ZCCHC7: variants seen among roughly 807,000 people sequenced by gnomAD.
The protein encoded by ZCCHC7 is zinc finger CCHC-type containing 7, also known as zinc finger CCHC domain-containing protein 7.
ZCCHC7 carries 35 observed loss-of-function variants against 52.0 expected under a neutral mutation model. The ratio of observed to expected loss-of-function variants is 0.67; its 90% CI spans 0.51 to 0.89. The LOEUF (loss-of-function observed/expected upper bound fraction) is 0.89. ZCCHC7 is among the 40% of genes least tolerant of loss of function. The pLI, the probability that ZCCHC7 is intolerant of heterozygous loss-of-function variation, is 0.00. For synonymous variants in ZCCHC7, 217 were observed against 221.5 expected, an observed-to-expected ratio of 0.98 and a Z score of 0.18; for missense variants, 574 against 649.1, an observed-to-expected ratio of 0.88 and a Z score of 1.26.
intron 3 of ZCCHC7, 81 bp downstream of exon 3, chr9:37,302,312 A>G (rs766602659): frequency 8.2e-7 from 1 of 1,213,866 alleles, no homozygotes; most frequent in Non-Finnish European, 1.2e-6. Flanking sequence ...TGGAACATTA[A>G]TAAGTTTAAG....
At chr9:37,169,377 T>C (rs1467039866) in intron 2 of ZCCHC7, among the ~76,000 whole-genome samples, 1 of 152,232 alleles carries the variant, frequency 6.6e-6, no homozygotes, top group Non-Finnish European at 1.5e-5. Context: ...GGGACCATAC[T>C]TTTCACTTGG....
chr9:37,299,380 A>G (rs1828930808), intron 2 of ZCCHC7, among the ~76,000 whole-genome samples: 1 of 152,200 alleles, frequency 6.6e-6, no homozygotes, highest in African/African-American at 2.4e-5. Flanking sequence ...TCAGTACTAG[A>G]AGGTGCCACC....
intron 6 of ZCCHC7, among the ~76,000 whole-genome samples, chr9:37,331,090 CTTTTA>C (rs1172201158): frequency 1.3e-5 from 2 of 151,594 alleles, no homozygotes; most frequent in Non-Finnish European, 3.0e-5. Context: ...ACCCTACTGC[CTTTTA>C]TTTTAACTGA....
chr9:37,321,746 A>G (rs1249947267), intron 5 of ZCCHC7, among the ~76,000 whole-genome samples: 4 of 152,210 alleles, frequency 2.6e-5, no homozygotes, highest in East Asian at 1.9e-4. Context: ...AGCCTGGGCA[A>G]CAGAGTAAGA....
intron 2 of ZCCHC7, among the ~76,000 whole-genome samples, chr9:37,296,336 T>C (rs1030697562): frequency 6.6e-6 from 1 of 152,246 alleles, no homozygotes; most frequent in Non-Finnish European, 1.5e-5. Context: ...ATAAGTTTTA[T>C]GCTATTACTT....
At chr9:37,292,394 A>T (rs1828582669) in intron 2 of ZCCHC7, among the ~76,000 whole-genome samples, 1 of 152,222 alleles carries the variant, frequency 6.6e-6, no homozygotes, top group Non-Finnish European at 1.5e-5. Context: ...TAGACTTTTT[A>T]GGCCAAGTAA....
At chr9:37,125,917 C>T (rs1418245871) in intron 1 of ZCCHC7, among the ~76,000 whole-genome samples, 1 of 152,160 alleles carries the variant, frequency 6.6e-6, no homozygotes, top group Non-Finnish European at 1.5e-5. Flanking sequence ...TATTTGGCAC[C>T]GTTACATGCT....
chr9:37,338,875 A>G (rs76374446), intron 6 of ZCCHC7, among the ~76,000 whole-genome samples: 7,827 of 151,938 alleles, frequency 0.052, 656 homozygotes, highest in African/African-American at 0.18. Flanking sequence ...TTTCATAAGG[A>G]TTTTTTCTAC....
At chr9:37,356,416 C>G (rs1821705796) in intron 8 of ZCCHC7, among the ~76,000 whole-genome samples, 1 of 152,218 alleles carries the variant, frequency 6.6e-6, no homozygotes, top group African/African-American at 2.4e-5. Flanking sequence ...ATGGCCAGGC[C>G]TTATCTTTAG....
At position 37,279,297 on chromosome 9, in the gene ZCCHC7, T is replaced by C. The variant is rs933643545; in HGVS notation, c.611-22891T>C. On this transcript the variant is annotated intron_variant, in intron 2 of 8. Transcript: ENST00000336755. ...GAAAGGACTGGGATGGGCAGGTAAA[T>C]AGAATCATTTGGTGACAAGTTTTTT... Among the ~76,000 whole-genome samples the C allele has an allele frequency of 2.8e-4, 43 of 151,212 alleles. 1 individual carries two copies. The highest frequency in any genetic ancestry group is 2.7e-3 in the Admixed American group (41 of 15,184).
At chr9:37,349,181 A>G (rs1047098794) in intron 6 of ZCCHC7, among the ~76,000 whole-genome samples, 176 bp from the exon 7 acceptor site, 1 of 152,252 alleles carries the variant, frequency 6.6e-6, no homozygotes, top group Non-Finnish European at 1.5e-5. Context: ...TAAGAGTAAA[A>G]GAATTGTTCT....
chr9:37,126,957 G>C lies in ZCCHC7; in HGVS notation c.610+15G>C, dbSNP rs749132062. The C allele has an allele frequency of 1.2e-6, 2 of 1,608,248 alleles. No homozygotes were observed. On this transcript the variant is annotated intron_variant, in intron 2 of 8. Coordinates refer to ENST00000336755, the MANE Select transcript of ZCCHC7 (RefSeq NM_032226.3). ...TGTTACTGAAGGTTAGTATCATATTGGCCATTTTGAAAGTAGTATCATCTT... is the reference window on the plus strand; with the variant it reads ...TGTTACTGAAGGTTAGTATCATATTCGCCATTTTGAAAGTAGTATCATCTT...
chr9:37,308,576 TA>T (rs1829442033), intron 5 of ZCCHC7, among the ~76,000 whole-genome samples: 1 of 152,174 alleles, frequency 6.6e-6, no homozygotes, highest in African/African-American at 2.4e-5. Context: ...AATTATTATC[TA>T]AAATGAGAAT....
At chr9:37,155,966 C>G (rs1820791862) in intron 2 of ZCCHC7, among the ~76,000 whole-genome samples, 5 of 152,218 alleles carry the variant, frequency 3.3e-5, no homozygotes. Flanking sequence ...ATATCACCAC[C>G]TGGTCTACCA....
At chr9:37,131,675 C>T (rs1290439161) in intron 2 of ZCCHC7, among the ~76,000 whole-genome samples, 2 of 152,034 alleles carry the variant, frequency 1.3e-5, no homozygotes, top group African/African-American at 2.4e-5. Flanking sequence ...AGAAAATGGG[C>T]GTACACATTT....
intron 2 of ZCCHC7, among the ~76,000 whole-genome samples, chr9:37,212,026 CAAAAAAAAAAAAAAAAAAAAAA>C (rs574190937): frequency 0.023 from 1,276 of 55,442 alleles, 35 homozygotes; most frequent in African/African-American, 0.065. Flanking sequence ...GACTCCGTCT[CAAAAAAAAAAAAAAAAAAAAAA>C]AAAAAAAAAA....
intron 8 of ZCCHC7, 77 bp from the exon 9 acceptor site, chr9:37,356,754 TGTTA>T: frequency 1.5e-6 from 2 of 1,298,272 alleles, no homozygotes; most frequent in Non-Finnish European, 2.1e-6. Context: ...CTTCCCTGTC[TGTTA>T]AGTTATTTAC....
At chr9:37,183,228 A>G (rs1822463876) in intron 2 of ZCCHC7, among the ~76,000 whole-genome samples, 1 of 152,206 alleles carries the variant, frequency 6.6e-6, no homozygotes, top group African/African-American at 2.4e-5. Flanking sequence ...TATTTAATAC[A>G]TAACAGTACA....
intron 2 of ZCCHC7, among the ~76,000 whole-genome samples, chr9:37,198,660 C>A (rs1263942070): frequency 1.3e-5 from 2 of 152,210 alleles, no homozygotes; most frequent in African/African-American, 2.4e-5. Context: ...GTTGTCTTTG[C>A]CTCCTCTGTT....
Sources: allele counts gnomAD v4.1 joint callset (sites outside exome capture counted in the v4.1 genomes callset), GRCh38; gene constraint gnomAD v4.1.1; transcripts MANE v1.5; gene names NCBI Gene and HGNC (gene_info 2026-07-23, HGNC 2026-07-21).